The following MTUS2 variants were observed in gnomAD, a reference collection of about 807,000 sequenced individuals.
The protein encoded by MTUS2 is microtubule associated scaffold protein 2, also known as microtubule-associated tumor suppressor candidate 2.
In MTUS2, 40 loss-of-function variants were observed where a neutral mutation model predicts 114.1. The observed-to-expected ratio is 0.35, with a 90% CI of 0.27 to 0.46. The LOEUF (loss-of-function observed/expected upper bound fraction) is 0.46. MTUS2 is among the 20% of genes least tolerant of loss of function. The pLI is 1.00. For synonymous variants in MTUS2, 688 were observed against 672.0 expected (o/e 1.02, Z -0.37); for missense variants, 1,679 against 1,705.4 (o/e 0.98, Z 0.27).
chr13:29,353,886 G>A (rs1869509285), intron 7 of MTUS2, among the ~76,000 whole-genome samples: 1 of 152,112 alleles, frequency 6.6e-6, no homozygotes. Flanking sequence ...TCCCCATCCT[G>A]AGATCCTCTC....
At chr13:29,289,325 A>G (rs973084757) in intron 6 of MTUS2, among the ~76,000 whole-genome samples, 4 of 152,240 alleles carry the variant, frequency 2.6e-5, no homozygotes, top group Non-Finnish European at 5.9e-5. Context: ...TAGCCACTGG[A>G]CTTGGGACAA....
intron 8 of MTUS2, among the ~76,000 whole-genome samples, chr13:29,422,988 A>G (rs1237249386): frequency 6.6e-6 from 1 of 152,250 alleles, no homozygotes; most frequent in South Asian, 2.1e-4. Context: ...TTTGCCTTCA[A>G]GTTTAGTCTT....
At chr13:29,362,430 T>C (rs1234517174) in intron 8 of MTUS2, among the ~76,000 whole-genome samples, 1 of 152,190 alleles carries the variant, frequency 6.6e-6, no homozygotes, top group African/African-American at 2.4e-5. Context: ...TGGCCTGGAA[T>C]GTACTTTAAA....
At chr13:29,094,447 T>G (rs1432157359) in intron 4 of MTUS2, among the ~76,000 whole-genome samples, 1 of 152,044 alleles carries the variant, frequency 6.6e-6, no homozygotes, top group Non-Finnish European at 1.5e-5. Flanking sequence ...AATTTGTCCA[T>G]TTCACTAGGT....
chr13:29,013,333 G>A (rs560208873), intron 2 of MTUS2, among the ~76,000 whole-genome samples: 2 of 152,088 alleles, frequency 1.3e-5, no homozygotes, highest in South Asian at 2.1e-4. Context: ...ATTTGTCACC[G>A]ACTCTTGGTG....
At chr13:29,299,515 C>G (rs975185836) in intron 6 of MTUS2, among the ~76,000 whole-genome samples, 5 of 152,128 alleles carry the variant, frequency 3.3e-5, no homozygotes, top group Non-Finnish European at 7.4e-5. Context: ...TACTTACACA[C>G]CTAATTATTG....
At chr13:28,904,721 TG>T (rs1879873742) in intron 2 of MTUS2, among the ~76,000 whole-genome samples, 1 of 152,194 alleles carries the variant, frequency 6.6e-6, no homozygotes, top group African/African-American at 2.4e-5. Context: ...GGCTTAGGAT[TG>T]ACTTGGCAAT....
At chr13:29,067,043 G>A (rs1888696354) in intron 4 of MTUS2, among the ~76,000 whole-genome samples, 1 of 152,180 alleles carries the variant, frequency 6.6e-6, no homozygotes, top group Admixed American at 6.5e-5. Context: ...GAACACTGGG[G>A]TATGTTTTAT....
chr13:29,108,184 G>A (rs908283060), intron 5 of MTUS2, among the ~76,000 whole-genome samples: 4 of 152,236 alleles, frequency 2.6e-5, no homozygotes, highest in East Asian at 3.9e-4. Flanking sequence ...CATGTTCATC[G>A]GCAATGAGAG....
intron 2 of MTUS2, among the ~76,000 whole-genome samples, chr13:28,951,189 C>T (rs1186914096): frequency 6.6e-6 from 1 of 152,110 alleles, no homozygotes; most frequent in East Asian, 1.9e-4. Context: ...TTTACAATAA[C>T]ACCAAAAATA....
chr13:29,031,550 T>C (rs1257572481), intron 3 of MTUS2, among the ~76,000 whole-genome samples: 1 of 151,932 alleles, frequency 6.6e-6, no homozygotes, highest in Non-Finnish European at 1.5e-5. Flanking sequence ...AGCTTGGGTC[T>C]GAAGGTGATC....
intron 8 of MTUS2, among the ~76,000 whole-genome samples, chr13:29,397,415 A>G (rs1277912748): frequency 1.3e-5 from 2 of 151,958 alleles, no homozygotes; most frequent in Non-Finnish European, 2.9e-5. Context: ...GACCCTTCTT[A>G]TCTCATTCCC....
intron 5 of MTUS2, among the ~76,000 whole-genome samples, chr13:29,158,696 CCTT>C (rs1192113998): frequency 2.6e-5 from 4 of 152,156 alleles, no homozygotes; most frequent in African/African-American, 7.2e-5. Context: ...AAAAACAAGT[CCTT>C]CTAGCTGGAT....
At chr13:29,439,583 G>T (rs1877675218) in intron 8 of MTUS2, among the ~76,000 whole-genome samples, 1 of 152,090 alleles carries the variant, frequency 6.6e-6, no homozygotes, top group African/African-American at 2.4e-5. Context: ...CAAGCATTTG[G>T]CCCTCAGAGA....
intron 5 of MTUS2, among the ~76,000 whole-genome samples, chr13:29,225,685 A>G (rs1896081253): frequency 6.6e-6 from 1 of 152,224 alleles, no homozygotes; most frequent in Non-Finnish European, 1.5e-5. Flanking sequence ...TGTTTTTACC[A>G]GTTTAGGTAA....
chr13:28,995,603 A>G (rs1011438638), intron 2 of MTUS2, among the ~76,000 whole-genome samples: 50 of 152,250 alleles, frequency 3.3e-4, no homozygotes, highest in African/African-American at 1.1e-3. Context: ...TTCTCCTTGA[A>G]GAGGTCCTTC....
intron 7 of MTUS2, among the ~76,000 whole-genome samples, chr13:29,346,817 G>T (rs1476278470): frequency 6.8e-6 from 1 of 147,752 alleles, no homozygotes; most frequent in Non-Finnish European, 1.5e-5. Context: ...CTTCCCTGGG[G>T]TCTGAGAGTG....
intron 2 of MTUS2, among the ~76,000 whole-genome samples, chr13:29,007,290 C>T (rs1885642826): frequency 6.6e-6 from 1 of 152,006 alleles, no homozygotes. Flanking sequence ...AAATTGCAGT[C>T]CTCTGTCTGC....
intron 5 of MTUS2, among the ~76,000 whole-genome samples, chr13:29,118,730 A>G (rs563454270): frequency 1.3e-5 from 2 of 152,266 alleles, no homozygotes; most frequent in South Asian, 2.1e-4. Flanking sequence ...CTCCTTCTCA[A>G]AGTCTCAAGA....
Sources: allele counts gnomAD v4.1 joint callset (sites outside exome capture counted in the v4.1 genomes callset), GRCh38; gene constraint gnomAD v4.1.1; transcripts MANE v1.5; gene names NCBI Gene and HGNC (gene_info 2026-07-23, HGNC 2026-07-21).